ITGAV: variants seen among roughly 807,000 people sequenced by gnomAD.
The protein encoded by ITGAV is integrin alpha-V.
ITGAV carries 76 observed loss-of-function variants against 143.8 expected under a neutral mutation model. That is an observed-to-expected ratio of 0.53 (90% CI 0.44 to 0.64). The LOEUF is 0.64. Ranked by LOEUF, ITGAV falls within the 30% of genes least tolerant of loss-of-function variation. The pLI is 0.00. For missense variants in ITGAV, 1,193 were observed against 1,274.7 expected (o/e 0.94, Z 0.98); for synonymous variants, 453 against 446.7 (o/e 1.01, Z -0.18).
chr2:186,590,415 C>T lies in ITGAV; in HGVS notation c.77C>T (p.Pro26Leu), dbSNP rs756850638. The T allele has an allele frequency of 6.2e-6, 10 of 1,612,898 alleles. No individual in the cohort carries two copies. In the African/African-American group the frequency reaches 1.3e-4, roughly 22 times the overall value. Residue 26 changes from proline (P) to leucine (L), a missense_variant, in exon 1 of 30, where the codon CCT becomes CTT. Physicochemically the swap from Pro to Leu is moderately conservative, Grantham distance 98. Coordinates refer to ENST00000261023, the MANE Select transcript of ITGAV (RefSeq NM_002210.5). ...LPLLLSGLLL[P>L]LCRAFNLDVD... ...CTTCTTCTCTCGGGACTCCTGCTAC[C>T]TCTGTGCCGCGCCTTCAACCTAGAC...
intron 10 of ITGAV, among the ~76,000 whole-genome samples, chr2:186,639,616 A>C (rs979252632): frequency 3.3e-5 from 5 of 152,030 alleles, no homozygotes; most frequent in African/African-American, 1.2e-4. Context: ...GCTAGAGAGG[A>C]GTGGGAAGCG....
rs201863570 is a variant in ITGAV at position 186,651,943 on chromosome 2, A to G, written c.1398-39A>G. 3.2e-6 allele frequency: 4 copies of G among 1,248,356 alleles called. No individual in the cohort carries two copies. The African/African-American group carries it at 4.5e-5, about 14-fold the overall frequency. The allele number at this position is 1,248,356 out of a possible 1,614,324, so 77.3% of individuals were successfully genotyped here. On this transcript the variant is annotated intron_variant, in intron 14 of 29. Transcript: ENST00000261023. ...TATTTCAATCAACCTAACTTTTTAA[A>G]TAATTTTTTACTTCATCTTCTTTTC... is the stretch of plus-strand genomic sequence containing the variant.
chr2:186,659,456 G>A (rs1291135381), intron 18 of ITGAV, among the ~76,000 whole-genome samples: 2 of 151,880 alleles, frequency 1.3e-5, no homozygotes, highest in African/African-American at 4.8e-5. Context: ...GAACAGCAAA[G>A]TGCCAGTTTG....
In ITGAV at chr2:186,630,803, T is replaced by C. The variant is rs1687796795; in HGVS notation, c.530T>C (p.Ile177Thr). Residue 177 changes from isoleucine (I) to threonine (T), a missense_variant, in exon 5 of 30, where the codon ATT becomes ACT. Ile to Thr is a moderately conservative substitution (Grantham distance 89). Coordinates refer to ENST00000261023, the MANE Select transcript of ITGAV (RefSeq NM_002210.5). Reference protein sequence around the residue: ...VEYAPCRSQDIDADGQGFCQG... With the variant: ...VEYAPCRSQDTDADGQGFCQG... ...TCCAATCTTTTTATTTTAGAAGATA[T>C]TGATGCTGATGGACAGGGATTTTGT... 3 of 1,567,578 alleles carry C rather than the reference T, an allele frequency of 1.9e-6. No homozygotes were observed. The highest frequency in any genetic ancestry group is 2.6e-6 in the Non-Finnish European group (3 of 1,140,186).
intron 13 of ITGAV, among the ~76,000 whole-genome samples, chr2:186,648,983 CATTTGTGTGTATATATATA>C (rs1416701834): frequency 1.3e-4 from 1 of 7,528 alleles, no homozygotes; most frequent in African/African-American, 1.9e-4. Flanking sequence ...TATATATATA[CATTTGTGTGTATATATATA>C]CACATTTGTG....
intron 2 of ITGAV, among the ~76,000 whole-genome samples, chr2:186,605,643 C>T (rs1687038018): frequency 6.6e-6 from 1 of 151,618 alleles, no homozygotes; most frequent in South Asian, 2.1e-4. Context: ...TGGTGCCCAG[C>T]ACAAGTTAGT....
chr2:186,624,500 A>G (rs1338648360), intron 3 of ITGAV, among the ~76,000 whole-genome samples: 1 of 152,158 alleles, frequency 6.6e-6, no homozygotes, highest in Non-Finnish European at 1.5e-5. Flanking sequence ...CTGGAGCGTC[A>G]AGTACGTGTA....
chr2:186,674,078 A>G (rs950394367), intron 26 of ITGAV, among the ~76,000 whole-genome samples: 2 of 152,168 alleles, frequency 1.3e-5, no homozygotes, highest in African/African-American at 2.4e-5. Context: ...GGCTCAAGCA[A>G]TCCTCCTGCC....
chr2:186,598,203 A>T lies in ITGAV; in HGVS notation c.186-3818A>T, dbSNP rs554637233. On this transcript the variant is annotated intron_variant, in intron 1 of 29. Transcript: ENST00000261023. The stretch of plus-strand genomic sequence containing the variant: ...TGCACTCAAAAATCATTTAATTCTG[A>T]TGAAAAGGGGTAGTTGTGTGATTTT... 3.9e-5 allele frequency among the ~76,000 whole-genome samples: 6 copies of T among 152,018 alleles called. No homozygotes were observed. In the East Asian group the frequency reaches 9.7e-4, roughly 24 times the overall value.
At chr2:186,592,737 T>C (rs1283736766) in intron 1 of ITGAV, among the ~76,000 whole-genome samples, 1 of 152,120 alleles carries the variant, frequency 6.6e-6, no homozygotes, top group Non-Finnish European at 1.5e-5. Context: ...CCTTTAATGA[T>C]AAAGTAAAAT....
At chr2:186,669,866 A>G (rs759319764) in intron 26 of ITGAV, 52 bp downstream of exon 26, 6 of 1,196,798 alleles carry the variant, frequency 5.0e-6, no homozygotes, top group Admixed American at 1.9e-5. Context: ...ATATGTGACT[A>G]TAGAACTGAC....
intron 7 of ITGAV, among the ~76,000 whole-genome samples, 162 bp downstream of exon 7, chr2:186,636,369 T>C (rs1363649227): frequency 6.6e-6 from 1 of 152,232 alleles, no homozygotes; most frequent in African/African-American, 2.4e-5. Flanking sequence ...ACTTTGGTTA[T>C]GTTACGTTTC....
chr2:186,604,120 C>G lies in ITGAV; in HGVS notation c.316+1969C>G, dbSNP rs373773591. On this transcript the variant is annotated intron_variant, in intron 2 of 29. Coordinates refer to ENST00000261023, the MANE Select transcript of ITGAV (RefSeq NM_002210.5). ...CATCTGGGCTCAAGCAGTCTGCCCC[C>G]CTCAGTCTCCTGAAGTCCTGAGACT... 7.2e-5 allele frequency among the ~76,000 whole-genome samples: 11 copies of G among 152,134 alleles called. No individual in the cohort carries two copies. The South Asian group carries it at 1.2e-3, about 17-fold the overall frequency.
At chr2:186,650,933 A>G (rs896257321) in intron 14 of ITGAV, among the ~76,000 whole-genome samples, 1 of 152,202 alleles carries the variant, frequency 6.6e-6, no homozygotes, top group African/African-American at 2.4e-5. Flanking sequence ...ACATTTTCCT[A>G]TAAGAAGCAG....
chr2:186,665,232 A>C lies in ITGAV; in HGVS notation c.2166+14A>C. 6.6e-7 allele frequency: 1 copy of C among 1,525,364 alleles called. No homozygotes were observed. Among genetic ancestry groups the C allele is most frequent in the Non-Finnish European group, 9.1e-7 (1 of 1,101,342 alleles). 94.5% of individuals were successfully genotyped at this position (1,525,364 alleles called of 1,614,324 possible). On this transcript the variant is annotated intron_variant, in intron 21 of 29. Transcript: ENST00000261023. ...GCTGGAACTCAAGTAAGACAATTTAATTAAACGGATTTTTCTCCCTGGCAA... is the reference window on the plus strand; with the variant it reads ...GCTGGAACTCAAGTAAGACAATTTACTTAAACGGATTTTTCTCCCTGGCAA...
At position 186,677,868 on chromosome 2, in the gene ITGAV, A is replaced by G. The variant is rs1441983618; in HGVS notation, c.*576A>G. On this transcript the variant is annotated 3_prime_UTR_variant, in exon 30 of 30. Transcript: ENST00000261023. The stretch of plus-strand genomic sequence containing the variant: ...ACCATCCAAATTCTTGCTTTTAATA[A>G]CAAAGGTACAATATTTTGTTTTAGT... 6.6e-6 allele frequency: 1 copy of G among 152,612 alleles called. No individual in the cohort carries two copies. Among genetic ancestry groups the G allele is most frequent in the African/African-American group, 2.4e-5 (1 of 41,454 alleles). 9.5% of individuals were successfully genotyped at this position (152,612 alleles called of 1,614,324 possible).
chr2:186,595,072 T>G (rs1051361766), intron 1 of ITGAV, among the ~76,000 whole-genome samples: 1 of 152,244 alleles, frequency 6.6e-6, no homozygotes, highest in Non-Finnish European at 1.5e-5. Context: ...AAAAAAGCAT[T>G]TTTTAAAAAA....
chr2:186,640,954 A>G lies in ITGAV; in HGVS notation c.943A>G (p.Ile315Val), dbSNP rs775667300. 3.1e-6 allele frequency: 5 copies of G among 1,596,376 alleles called. No individual in the cohort carries two copies. The highest frequency in any genetic ancestry group is 2.2e-5 in the East Asian group (1 of 44,638). Residue 315 changes from isoleucine to valine, a missense_variant, in exon 11 of 30, where the codon ATT (isoleucine) becomes GTT (valine). Coordinates refer to ENST00000261023, the MANE Select transcript of ITGAV (RefSeq NM_002210.5). ...YFGFSVAATD[I>V]NGDDYADVFI... ...CGGATTTTCTGTAGCTGCCACTGAC[A>G]TTAATGGAGATGAGTAAGTTTAAAA...
chr2:186,615,029 C>A (rs66630114), intron 2 of ITGAV, among the ~76,000 whole-genome samples: 35,547 of 151,852 alleles, frequency 0.23, 4,219 homozygotes, highest in Middle Eastern at 0.33. Flanking sequence ...GTACCTCCAG[C>A]CCTAAGCAGC....
Sources: allele counts gnomAD v4.1 joint callset (sites outside exome capture counted in the v4.1 genomes callset), GRCh38; gene constraint gnomAD v4.1.1; transcripts MANE v1.5; gene names NCBI Gene and HGNC (gene_info 2026-07-23, HGNC 2026-07-21).